Variants in GLIS3 observed in about 807,000 individuals in gnomAD.
GLIS3 encodes zinc finger protein GLIS3.
Under a neutral mutation model 78.6 loss-of-function variants are expected in GLIS3, and 53 were observed. The observed-to-expected ratio is 0.67, with a 90% confidence interval of 0.54 to 0.85. The LOEUF (loss-of-function observed/expected upper bound fraction) is 0.85, where lower values mean the gene tolerates loss of function less well. Ranked by LOEUF, GLIS3 falls within the 40% of genes least tolerant of loss-of-function variation. The pLI is 0.00. For synonymous variants in GLIS3, 684 were observed against 509.9 expected (o/e 1.34, Z -4.60); for missense variants, 1,703 against 1,231.1 (o/e 1.38, Z -5.74).
intron 4 of GLIS3, among the ~76,000 whole-genome samples, chr9:4,046,320 C>A (rs1211768466): frequency 6.6e-6 from 1 of 152,192 alleles, no homozygotes; most frequent in Non-Finnish European, 1.5e-5. Context: ...CAAATCTTCA[C>A]AGGCACAGTG....
chr9:4,415,212 T>A, the GLIS3 span, among the ~76,000 whole-genome samples: 1 of 152,156 alleles, frequency 6.6e-6, no homozygotes, highest in Non-Finnish European at 1.5e-5. Flanking sequence ...TACCACCCCA[T>A]TGACTCCCTC....
chr9:4,463,051 G>A, the GLIS3 span, among the ~76,000 whole-genome samples: 1 of 152,150 alleles, frequency 6.6e-6, no homozygotes, highest in Non-Finnish European at 1.5e-5. Context: ...ATTTACAAAG[G>A]CAGAGAGATA....
rs765178396 is a variant in GLIS3, at chr9:4,118,643, T to C, written c.835A>G (p.Ser279Gly). 8 of 1,614,038 alleles carry C rather than the reference T, an allele frequency of 5.0e-6. No homozygotes were observed. In the South Asian group the frequency reaches 7.7e-5, roughly 16 times the overall value. The change falls in exon 4 of 11, where the codon AGC becomes GGC. Residue 279 changes from serine (S) to glycine (G), a missense_variant. Transcript: ENST00000381971. This position sits in a 1 kb window ranked among gnomAD's most constrained non-coding sequence, Gnocchi z 4.7. ...CGAGGACTAGGGTAAGGAGAGTGGC[T>C]ACTTTCCGTGCCAAAAAGGTAGGAT... is the stretch of plus-strand genomic sequence containing the variant. ...LPSYLFGTES[S>G]HSPYPSPRHS...
chr9:4,174,672 TTTAA>T (rs1746210084), intron 2 of GLIS3, among the ~76,000 whole-genome samples: 1 of 152,258 alleles, frequency 6.6e-6, no homozygotes, highest in African/African-American at 2.4e-5. Context: ...TAACCTCCTT[TTTAA>T]TTAATTGTTC....
At chr9:4,279,324 T>TACACACACACAC (rs141790371) in intron 2 of GLIS3, among the ~76,000 whole-genome samples, 14 of 84,926 alleles carry the variant, frequency 1.6e-4, no homozygotes, top group African/African-American at 6.2e-4. Context: ...AATATATATA[T>TACACACACACAC]ACACACACAC....
chr9:3,898,565 A>T, intron 7 of GLIS3, 126 bp downstream of exon 7: 1 of 1,054,968 alleles, frequency 9.5e-7, no homozygotes, highest in Non-Finnish European at 1.5e-6. Flanking sequence ...AGCAATTTGC[A>T]GCCCATTGAT....
the GLIS3 span, among the ~76,000 whole-genome samples, chr9:4,430,913 A>T: frequency 6.6e-6 from 1 of 152,138 alleles, no homozygotes; most frequent in Non-Finnish European, 1.5e-5. Context: ...GGTTGTCACA[A>T]ACTGCTCTTT....
intron 4 of GLIS3, among the ~76,000 whole-genome samples, chr9:4,103,620 T>C (rs1030915509): frequency 2.0e-5 from 3 of 152,172 alleles, no homozygotes; most frequent in Admixed American, 1.3e-4. Flanking sequence ...ACCCTCATGG[T>C]AGAACTAACA....
intron 6 of GLIS3, among the ~76,000 whole-genome samples, chr9:3,919,581 T>A (rs560695089): frequency 6.6e-6 from 1 of 150,900 alleles, no homozygotes; most frequent in Non-Finnish European, 1.5e-5. Context: ...CAAACCCTCA[T>A]GACACAAGTT....
chr9:4,246,374 G>T (rs893604709), intron 2 of GLIS3, among the ~76,000 whole-genome samples: 1 of 152,148 alleles, frequency 6.6e-6, no homozygotes, highest in East Asian at 1.9e-4. Context: ...GGAAGAAACA[G>T]GCCACTGATA....
At chr9:4,298,669 G>C (rs1816828814) in intron 1 of GLIS3, among the ~76,000 whole-genome samples, 1 of 152,170 alleles carries the variant, frequency 6.6e-6, no homozygotes, top group East Asian at 1.9e-4. Flanking sequence ...CTGACATTTT[G>C]TCGGGCCCCA....
chr9:3,956,853 G>C (rs1169506675), intron 4 of GLIS3, among the ~76,000 whole-genome samples: 2 of 152,100 alleles, frequency 1.3e-5, no homozygotes, highest in African/African-American at 4.8e-5. Flanking sequence ...GACATGATGA[G>C]AGCTCCCCAA....
chr9:4,196,384 G>C (rs1283985649), intron 2 of GLIS3, among the ~76,000 whole-genome samples: 6 of 152,204 alleles, frequency 3.9e-5, no homozygotes, highest in African/African-American at 1.4e-4. Context: ...AGCCAGCAGT[G>C]GCAACCGGCT....
intron 6 of GLIS3, among the ~76,000 whole-genome samples, chr9:3,931,893 C>T (rs1825644408): frequency 6.6e-6 from 1 of 152,170 alleles, no homozygotes; most frequent in African/African-American, 2.4e-5. Context: ...CTCTACTTGT[C>T]CTAGAGACGT....
rs529724687 is a variant in GLIS3, at chr9:4,118,414, C to T, written c.1064G>A (p.Arg355His). ...GCGCGGCTGGGGAATGCAGCTGCCG[C>T]GCACGCCCAGGAAATGCCCGTAGAC... ...PEVYGHFLGV[R>H]GSCIPQPRPV... is the part of the protein sequence containing the mutation. The change falls in exon 4 of 11, where the codon CGC becomes CAC. Residue 355 changes from arginine (R) to histidine (H), a missense_variant. Arg to His is a conservative substitution (Grantham distance 29, BLOSUM62 0). Coordinates refer to ENST00000381971, the MANE Select transcript of GLIS3 (RefSeq NM_001042413.2). The surrounding 1 kb of genome is among the most constrained non-coding windows in gnomAD (Gnocchi z 4.7). The T allele has an allele frequency of 1.9e-6, 3 of 1,608,656 alleles. No individual in the cohort carries two copies. Among genetic ancestry groups the T allele is most frequent in the East Asian group, 2.2e-5 (1 of 44,836 alleles).
intron 4 of GLIS3, among the ~76,000 whole-genome samples, chr9:3,967,141 T>A (rs888284786): frequency 1.0e-4 from 13 of 125,834 alleles, no homozygotes; most frequent in Non-Finnish European, 2.3e-4. Context: ...CTATCTGCCA[T>A]ACACCTGGCC....
At chr9:3,944,786 G>C (rs1816179198) in intron 4 of GLIS3, among the ~76,000 whole-genome samples, 1 of 152,146 alleles carries the variant, frequency 6.6e-6, no homozygotes, top group African/African-American at 2.4e-5. Context: ...CCACAGACTG[G>C]GTAATTTATA....
At chr9:4,205,006 C>T (rs975612388) in intron 2 of GLIS3, among the ~76,000 whole-genome samples, 1 of 149,784 alleles carries the variant, frequency 6.7e-6, no homozygotes, top group Admixed American at 6.7e-5. Context: ...GATGAAACCC[C>T]GTCTCTATTA....
intron 4 of GLIS3, among the ~76,000 whole-genome samples, chr9:4,053,341 T>C (rs1825875530): frequency 1.3e-5 from 2 of 152,186 alleles, no homozygotes; most frequent in Admixed American, 1.3e-4. Context: ...CCCAGCTCAC[T>C]GACCACCTCC....
Sources: gnomAD v4.1 joint callset for allele counts (sites outside exome capture counted in the v4.1 genomes callset) on GRCh38, gnomAD v4.1.1 for gene constraint, Gnocchi (gnomAD v3.1) non-coding constraint, MANE v1.5 for transcripts, NCBI Gene and HGNC (gene_info 2026-07-23, HGNC 2026-07-21) for gene names.